The following DNM3 variants were observed in gnomAD, a reference collection of about 807,000 sequenced individuals.
DNM3 encodes dynamin 3.
A neutral mutation model predicts 101.6 loss-of-function variants in DNM3; 47 were observed. The ratio of observed to expected loss-of-function variants is 0.46; its 90% CI spans 0.37 to 0.59. DNM3 has a LOEUF of 0.59. DNM3 is among the 20% of genes least tolerant of loss of function. The probability of loss-of-function intolerance (pLI) is 0.00; values close to 1 mark genes in which losing one functional copy is unlikely to be tolerated. For missense variants in DNM3, 849 were observed against 1,085.7 expected (o/e 0.78, Z 3.06); for synonymous variants, 385 against 387.9 (o/e 0.99, Z 0.09).
chr1:172,077,680 G>T (rs2125975814), intron 11 of DNM3, among the ~76,000 whole-genome samples: 1 of 152,318 alleles, frequency 6.6e-6, no homozygotes, highest in Non-Finnish European at 1.5e-5. Flanking sequence ...GAGACTGTTT[G>T]TTATGATTTC....
chr1:172,174,239 G>A (rs886771643), intron 14 of DNM3, among the ~76,000 whole-genome samples: 6 of 151,582 alleles, frequency 4.0e-5, no homozygotes, highest in Non-Finnish European at 8.9e-5. Flanking sequence ...TGATGGTTGA[G>A]TATAGAATGA....
chr1:172,130,944 C>A (rs1015210929), intron 13 of DNM3, among the ~76,000 whole-genome samples: 1 of 152,144 alleles, frequency 6.6e-6, no homozygotes, highest in African/African-American at 2.4e-5. Flanking sequence ...CTTCAACCAT[C>A]GATGAGTCTG....
At position 171,934,545 on chromosome 1, in the gene DNM3, A is replaced by G. The variant is rs572332439; in HGVS notation, c.235+12724A>G. ...TTTTGCAATTCTTAAAAGCCCAGGG[A>G]TGCATTTTAGTCTCTCTTTCCAATT... On this transcript the variant is annotated intron_variant, in intron 2 of 20. Coordinates refer to ENST00000627582, the MANE Select transcript of DNM3 (RefSeq NM_015569.5). Among the ~76,000 whole-genome samples, 25 of 152,272 alleles carry G rather than the reference A, an allele frequency of 1.6e-4. No individual in the cohort carries two copies. In the South Asian group the frequency reaches 5.2e-3, roughly 32 times the overall value.
At chr1:172,055,978 G>A (rs1425556636) in intron 10 of DNM3, among the ~76,000 whole-genome samples, 2 of 152,176 alleles carry the variant, frequency 1.3e-5, no homozygotes, top group East Asian at 3.9e-4. Flanking sequence ...CAGGTCAGTG[G>A]GTGCGTGCAC....
At chr1:172,233,445 G>A (rs1461798593) in intron 14 of DNM3, among the ~76,000 whole-genome samples, 3 of 152,076 alleles carry the variant, frequency 2.0e-5, no homozygotes, top group African/African-American at 2.4e-5. Context: ...ATTCACAACC[G>A]AATTCTACCA....
At chr1:171,900,951 A>AAC (rs1553291850) in intron 1 of DNM3, among the ~76,000 whole-genome samples, 5 of 150,882 alleles carry the variant, frequency 3.3e-5, no homozygotes, top group African/African-American at 1.2e-4. Context: ...TACTAAAAAA[A>AAC]AAATAGAAAA....
chr1:171,935,042 G>C (rs957658594), intron 2 of DNM3, among the ~76,000 whole-genome samples: 1 of 152,014 alleles, frequency 6.6e-6, no homozygotes, highest in African/African-American at 2.4e-5. Context: ...ACTCGTATCT[G>C]TATGATACTG....
At position 172,270,734 on chromosome 1, in the gene DNM3, T is replaced by C. The variant is rs114051508; in HGVS notation, c.1769+17052T>C. On this transcript the variant is annotated intron_variant, in intron 15 of 20. Transcript: ENST00000627582. ...GATGCATAGTTTCATGAAGAAAATA[T>C]TTGCAACGTCTAACTGTAGCGAGTT... Among the ~76,000 whole-genome samples the C allele has an allele frequency of 4.8e-3, 726 of 152,248 alleles. 3 individuals are homozygous for C. The highest frequency in any genetic ancestry group is 0.017 in the African/African-American group (687 of 41,568).
At chr1:171,946,717 G>GAAGGCTGTACAAGAAGCA (rs2042195477) in intron 2 of DNM3, among the ~76,000 whole-genome samples, 1 of 152,198 alleles carries the variant, frequency 6.6e-6, no homozygotes, top group African/African-American at 2.4e-5. Flanking sequence ...GAAGCATGGT[G>GAAGGCTGTACAAGAAGCA]TCAGCAACTG....
intron 17 of DNM3, among the ~76,000 whole-genome samples, chr1:172,350,831 A>G (rs1451523902): frequency 6.6e-6 from 1 of 152,206 alleles, no homozygotes; most frequent in African/African-American, 2.4e-5. Flanking sequence ...AAGGAATATC[A>G]TTCTATCATT....
chr1:172,164,328 C>A (rs2058671563), intron 14 of DNM3, among the ~76,000 whole-genome samples: 1 of 147,506 alleles, frequency 6.8e-6, no homozygotes, highest in East Asian at 2.0e-4. Context: ...GGTTAGGGTG[C>A]TATTACTTAG....
intron 13 of DNM3, among the ~76,000 whole-genome samples, chr1:172,097,758 AGG>A (rs1295304192): frequency 6.6e-6 from 1 of 152,214 alleles, no homozygotes; most frequent in Non-Finnish European, 1.5e-5. Flanking sequence ...TATTTCACAT[AGG>A]TTCTTTTCTA....
At chr1:172,152,181 C>T (rs1456972413) in intron 14 of DNM3, among the ~76,000 whole-genome samples, 1 of 151,934 alleles carries the variant, frequency 6.6e-6, no homozygotes, top group African/African-American at 2.4e-5. Flanking sequence ...ACCGTGCTGG[C>T]TAAAAGGATT....
intron 15 of DNM3, among the ~76,000 whole-genome samples, chr1:172,307,217 C>T (rs971124711): frequency 1.3e-5 from 2 of 152,168 alleles, no homozygotes; most frequent in African/African-American, 4.8e-5. Flanking sequence ...AAAAAGTGGG[C>T]AAAGCATATG....
chr1:172,262,784 C>T (rs1001684795), intron 15 of DNM3, among the ~76,000 whole-genome samples: 2 of 152,122 alleles, frequency 1.3e-5, no homozygotes, highest in East Asian at 3.9e-4. Flanking sequence ...GATATACTTG[C>T]GTGTCATTTT....
intron 14 of DNM3, among the ~76,000 whole-genome samples, chr1:172,215,998 T>G: frequency 8.4e-6 from 1 of 119,384 alleles, no homozygotes; most frequent in Non-Finnish European, 1.8e-5. Context: ...ATAATAATAA[T>G]AAAATTAAAA....
chr1:172,192,143 G>T (rs1051868245), intron 14 of DNM3, among the ~76,000 whole-genome samples: 1 of 152,018 alleles, frequency 6.6e-6, no homozygotes, highest in African/African-American at 2.4e-5. Context: ...GTCATAAATA[G>T]CTCTTATTAT....
At chr1:171,931,517 T>C (rs1218791125) in intron 2 of DNM3, among the ~76,000 whole-genome samples, 8 of 152,232 alleles carry the variant, frequency 5.3e-5, no homozygotes, top group Admixed American at 5.2e-4. Flanking sequence ...GGTTATGAAA[T>C]CTGTACATTT....
At chr1:172,367,650 G>T (rs1203776064) in intron 17 of DNM3, among the ~76,000 whole-genome samples, 2 of 151,864 alleles carry the variant, frequency 1.3e-5, no homozygotes, top group South Asian at 2.1e-4. Context: ...TAAACAACTG[G>T]CTGAATGGTT....
Sources: gnomAD v4.1 joint callset for allele counts (sites outside exome capture counted in the v4.1 genomes callset) on GRCh38, gnomAD v4.1.1 for gene constraint, MANE v1.5 for transcripts, NCBI Gene and HGNC (gene_info 2026-07-23, HGNC 2026-07-21) for gene names.